VPS13A: variants seen among roughly 807,000 people sequenced by gnomAD.
VPS13A encodes intermembrane lipid transfer protein VPS13A.
Under a neutral mutation model 390.9 loss-of-function variants are expected in VPS13A, and 264 were observed. That is an observed-to-expected ratio of 0.68 (90% CI 0.61 to 0.75). VPS13A has a LOEUF of 0.75. VPS13A is among the 30% of genes least tolerant of loss of function. The pLI, the probability that VPS13A is intolerant of heterozygous loss-of-function variation, is 0.00. For missense variants in VPS13A, 3,409 were observed against 3,733.9 expected, an observed-to-expected ratio of 0.91 and a Z score of 2.27; for synonymous variants, 1,231 against 1,227.1, an observed-to-expected ratio of 1.00 and a Z score of -0.07.
At chr9:77,254,207 T>G (rs1825316585) in intron 22 of VPS13A, among the ~76,000 whole-genome samples, 1 of 152,180 alleles carries the variant, frequency 6.6e-6, no homozygotes. Flanking sequence ...CCTCCCAAAG[T>G]GCTGGGATTA....
chr9:77,244,556 T>G (rs1049880281), intron 19 of VPS13A, among the ~76,000 whole-genome samples: 2 of 152,214 alleles, frequency 1.3e-5, no homozygotes, highest in African/African-American at 4.8e-5. Flanking sequence ...AGTGCTGTTA[T>G]GTGCACATTA....
intron 22 of VPS13A, among the ~76,000 whole-genome samples, chr9:77,255,807 CTCTCTTA>C (rs1367703209): frequency 6.6e-6 from 1 of 152,020 alleles, no homozygotes; most frequent in Non-Finnish European, 1.5e-5. Flanking sequence ...GTAATTGTCT[CTCTCTTA>C]ACAGCCCTTT....
rs1215186420 is a variant in VPS13A at position 77,417,629 on chromosome 9, A to G, written c.*1623A>G. On this transcript the variant is annotated 3_prime_UTR_variant, in exon 72 of 72. Coordinates refer to ENST00000360280, the MANE Select transcript of VPS13A (RefSeq NM_033305.3). ...CAGAATTAAACTTAACAGTAGAGGT[A>G]GTCAGAAAGCTTGCATCAGACTGTC... is the stretch of plus-strand genomic sequence containing the variant. 2 of 152,194 alleles carry G rather than the reference A, an allele frequency of 1.3e-5. No homozygotes were observed. The highest frequency in any genetic ancestry group is 4.8e-5 in the African/African-American group (2 of 41,440). 9.4% of individuals were successfully genotyped at this position (152,194 alleles called of 1,614,324 possible).
chr9:77,196,213 G>A (rs1356067717), intron 1 of VPS13A, among the ~76,000 whole-genome samples: 1 of 151,964 alleles, frequency 6.6e-6, no homozygotes, highest in Non-Finnish European at 1.5e-5. Flanking sequence ...TAATTGACAT[G>A]TATTGTGCAT....
chr9:77,224,909 A>G (rs1031147303), intron 13 of VPS13A, among the ~76,000 whole-genome samples: 8 of 152,144 alleles, frequency 5.3e-5, no homozygotes, highest in East Asian at 1.9e-4. Flanking sequence ...AGCCACCCCA[A>G]CCTTCAGCAA....
intron 46 of VPS13A, 49 bp from the exon 47 acceptor site, chr9:77,337,204 AAT>A (rs756100146): frequency 6.6e-7 from 1 of 1,518,858 alleles, no homozygotes; most frequent in Non-Finnish European, 8.9e-7. Context: ...TATATAGTTT[AAT>A]ATGTTTTCCT....
chr9:77,210,181 C>A (rs1333208224), intron 6 of VPS13A, among the ~76,000 whole-genome samples: 1 of 123,008 alleles, frequency 8.1e-6, no homozygotes, highest in Middle Eastern at 4.1e-3. Flanking sequence ...CTCTCTCTCT[C>A]TCTTTCTCTT....
chr9:77,197,052 A>G (rs1315978130), intron 1 of VPS13A, among the ~76,000 whole-genome samples: 2 of 152,098 alleles, frequency 1.3e-5, no homozygotes, highest in African/African-American at 2.4e-5. Flanking sequence ...TTGAGGTAAT[A>G]TCTTCTTGTG....
intron 31 of VPS13A, among the ~76,000 whole-genome samples, chr9:77,291,480 G>A (rs961736039): frequency 7.9e-5 from 12 of 152,138 alleles, no homozygotes; most frequent in African/African-American, 2.9e-4. Flanking sequence ...GGGGTGGGGG[G>A]TTGAGCTTAG....
chr9:77,360,930 C>T (rs1832107517), intron 59 of VPS13A, among the ~76,000 whole-genome samples: 1 of 151,930 alleles, frequency 6.6e-6, no homozygotes, highest in Non-Finnish European at 1.5e-5. Flanking sequence ...TTTGCTTTCA[C>T]TTTAATAATT....
At chr9:77,194,625 C>T (rs1396646395) in intron 1 of VPS13A, among the ~76,000 whole-genome samples, 1 of 152,166 alleles carries the variant, frequency 6.6e-6, no homozygotes, top group East Asian at 1.9e-4. Context: ...GAGCCTCCTT[C>T]AGCTAGGATT....
chr9:77,326,836 A>T (rs1190187015), intron 45 of VPS13A, among the ~76,000 whole-genome samples: 1 of 152,062 alleles, frequency 6.6e-6, no homozygotes, highest in Admixed American at 6.6e-5. Context: ...TTTTAGACGG[A>T]TCTTTACTGA....
chr9:77,199,219 A>T (rs956171715), intron 1 of VPS13A, among the ~76,000 whole-genome samples: 1 of 151,900 alleles, frequency 6.6e-6, no homozygotes, highest in African/African-American at 2.4e-5. Context: ...TAACATCAAG[A>T]TAGCAATGAG....
chr9:77,321,181 G>C lies in VPS13A; in HGVS notation c.5428G>C (p.Ala1810Pro), dbSNP rs1829723064. The C allele has an allele frequency of 1.9e-6, 3 of 1,611,886 alleles. No homozygotes were observed. Among genetic ancestry groups the C allele is most frequent in the African/African-American group, 2.7e-5 (2 of 74,814 alleles). Residue 1810 changes from alanine to proline, a missense_variant, in exon 43 of 72, where the codon GCA becomes CCA. This residue lies in a region of VPS13A where 2,717 missense variants were observed against 2,917.4 expected (regional missense o/e 0.93). Coordinates refer to ENST00000360280, the MANE Select transcript of VPS13A (RefSeq NM_033305.3). ...TTTATCATTTTAGATGAAAAAGAAA[G>C]CAAAAATGGCCATTGTTGAGTCAGA... is the stretch of plus-strand genomic sequence containing the variant. ...WNLGIKMKKK[A>P]KMAIVESDPE...
At chr9:77,385,043 T>C in intron 68 of VPS13A, 1 of 1,017,908 alleles carries the variant, frequency 9.8e-7, no homozygotes, top group Non-Finnish European at 1.2e-6. Flanking sequence ...TTTTTAATGG[T>C]CTCTGTAAAT....
Position 77,308,096 on chromosome 9 carries a change from G to A in VPS13A, c.4112G>A (p.Gly1371Glu). Residue 1371 changes from glycine to glutamate, a missense_variant and splice_region_variant, in exon 35 of 72, where the codon GGA becomes GAA. This residue lies in a region of VPS13A where 2,717 missense variants were observed against 2,917.4 expected (regional missense o/e 0.93). Transcript: ENST00000360280. ...GVTTNASHHS[G>E]GATVVTAAVV... ...ACTACTAATGCTTCACACCATTCAGGAGGTATGTTTTTAACTTCAAATTTC... is the reference window on the plus strand; with the variant it reads ...ACTACTAATGCTTCACACCATTCAGAAGGTATGTTTTTAACTTCAAATTTC... 6.2e-7 allele frequency: 1 copy of A among 1,613,828 alleles called. No homozygotes were observed. Among genetic ancestry groups the A allele is most frequent in the Non-Finnish European group, 8.5e-7 (1 of 1,179,860 alleles).
At chr9:77,195,748 AAAAAG>A (rs1354133546) in intron 1 of VPS13A, among the ~76,000 whole-genome samples, 1 of 152,108 alleles carries the variant, frequency 6.6e-6, no homozygotes, top group African/African-American at 2.4e-5. Flanking sequence ...AAAAAGAAAA[AAAAAG>A]AAAACGAATG....
At chr9:77,324,814 C>T (rs1220398361) in intron 45 of VPS13A, among the ~76,000 whole-genome samples, 5 of 152,100 alleles carry the variant, frequency 3.3e-5, no homozygotes, top group Admixed American at 1.3e-4. Context: ...GCAGCAAGGA[C>T]TGTAGGTGCA....
intron 1 of VPS13A, among the ~76,000 whole-genome samples, chr9:77,193,395 A>C (rs1226058515): frequency 6.6e-6 from 1 of 152,162 alleles, no homozygotes; most frequent in Non-Finnish European, 1.5e-5. Flanking sequence ...GCACTTTGGG[A>C]GGCTGAGGCG....
Sources: allele counts gnomAD v4.1 joint callset (sites outside exome capture counted in the v4.1 genomes callset), GRCh38; gene constraint gnomAD v4.1.1; regional missense constraint gnomAD v4.1.1; transcripts MANE v1.5; gene names NCBI Gene and HGNC (gene_info 2026-07-23, HGNC 2026-07-21).